Variants in FAM184B observed in about 807,000 individuals in gnomAD.
The protein encoded by FAM184B is protein FAM184B.
Under a neutral mutation model 135.9 loss-of-function variants are expected in FAM184B, and 111 were observed. The ratio of observed to expected loss-of-function variants is 0.82; its 90% CI spans 0.70 to 0.96. The LOEUF (loss-of-function observed/expected upper bound fraction) is 0.96, where lower values mean the gene tolerates loss of function less well. Ranked by LOEUF, FAM184B falls within the 40% of genes least tolerant of loss-of-function variation. The probability of loss-of-function intolerance (pLI) is 0.00; values close to 1 mark genes in which losing one functional copy is unlikely to be tolerated. For missense variants in FAM184B, 1,375 were observed against 1,323.9 expected, an observed-to-expected ratio of 1.04 and a Z score of -0.60; for synonymous variants, 552 against 524.8, an observed-to-expected ratio of 1.05 and a Z score of -0.71.
chr4:17,748,545 G>A (rs528062415), intron 1 of FAM184B, among the ~76,000 whole-genome samples: 48 of 117,480 alleles, frequency 4.1e-4, no homozygotes, highest in Admixed American at 1.8e-3. Context: ...ACAATGTCTC[G>A]CTCTGCCACC....
intron 1 of FAM184B, among the ~76,000 whole-genome samples, chr4:17,726,991 A>G (rs1275082830): frequency 6.6e-6 from 1 of 152,202 alleles, no homozygotes; most frequent in Non-Finnish European, 1.5e-5. Context: ...TGCCTCAATC[A>G]CATGGAATGA....
At chr4:17,687,335 GT>G (rs1375011264) in intron 7 of FAM184B, among the ~76,000 whole-genome samples, 1 of 152,204 alleles carries the variant, frequency 6.6e-6, no homozygotes, top group East Asian at 1.9e-4. Context: ...AAGGCCGTGA[GT>G]TTTTTATGGC....
At position 17,743,311 on chromosome 4, in the gene FAM184B, A is replaced by G. The variant is rs115392961; in HGVS notation, c.142-33667T>C. Among the ~76,000 whole-genome samples the G allele has an allele frequency of 5.7e-3, 861 of 152,336 alleles. 11 individuals are homozygous for G. Among genetic ancestry groups the G allele is most frequent in the African/African-American group, 0.02 (813 of 41,584 alleles). ...GAGGGATGGCACCAGTGGTGGAGGC[A>G]TCTGTCAGCCACCGAAGAATTTAGA... On this transcript the variant is annotated intron_variant, in intron 1 of 17. Coordinates refer to ENST00000265018, the MANE Select transcript of FAM184B (RefSeq NM_015688.2).
In FAM184B at chr4:17,752,218, T is replaced by C. The variant is rs144202030; in HGVS notation, c.141+28941A>G. 2.7e-4 allele frequency among the ~76,000 whole-genome samples: 41 copies of C among 152,298 alleles called. No homozygotes were observed. The East Asian group carries it at 7.7e-3, about 29-fold the overall frequency. ...CCAACATACCTTGAGGAAAGTACTTTCATACAAGAGAATGAATGAGGGTTT... is the reference window on the plus strand; with the variant it reads ...CCAACATACCTTGAGGAAAGTACTTCCATACAAGAGAATGAATGAGGGTTT... On this transcript the variant is annotated intron_variant, in intron 1 of 17. Coordinates refer to ENST00000265018, the MANE Select transcript of FAM184B (RefSeq NM_015688.2).
At chr4:17,655,573 A>T (rs1327884096) in intron 10 of FAM184B, among the ~76,000 whole-genome samples, 1 of 152,170 alleles carries the variant, frequency 6.6e-6, no homozygotes, top group Non-Finnish European at 1.5e-5. Flanking sequence ...GTCCTATATT[A>T]TGTAAAGTCT....
At chr4:17,680,817 A>G (rs768959913) in intron 7 of FAM184B, among the ~76,000 whole-genome samples, 70 of 152,158 alleles carry the variant, frequency 4.6e-4, no homozygotes, top group Non-Finnish European at 6.0e-4. Flanking sequence ...CTCATCTTTC[A>G]TCTTCCAGTT....
intron 1 of FAM184B, among the ~76,000 whole-genome samples, chr4:17,767,713 C>T (rs1209769022): frequency 1.4e-5 from 2 of 140,114 alleles, no homozygotes; most frequent in East Asian, 2.6e-4. Context: ...CCGCCCCCCA[C>T]CCCCCGCCAG....
At chr4:17,716,030 A>T (rs1456660328) in intron 1 of FAM184B, among the ~76,000 whole-genome samples, 1 of 151,836 alleles carries the variant, frequency 6.6e-6, no homozygotes, top group Non-Finnish European at 1.5e-5. Flanking sequence ...GCCTTAAAAA[A>T]CTCATCTTCA....
At position 17,647,787 on chromosome 4, in the gene FAM184B, C is replaced by T. The variant is rs533776342; in HGVS notation, c.2196G>A (p.Ser732=). 196 of 1,549,742 alleles carry T rather than the reference C, an allele frequency of 1.3e-4. 3 individuals are homozygous for T. Among genetic ancestry groups the T allele is most frequent in the Middle Eastern group, 3.5e-4 (2 of 5,692 alleles). The change falls in exon 12 of 18, where the codon TCG becomes TCA. Residue 732 remains serine, a synonymous_variant. Coordinates refer to ENST00000265018, the MANE Select transcript of FAM184B (RefSeq NM_015688.2). ...GCTGCTCCGACAGCTCCTGTCTGAG[C>T]GACTCTGGAAAAGGGAGAGCAGCAG... ...MQAQQALLLE[S]LRQELSEQQA... is the part of the protein sequence containing the mutation.
intron 1 of FAM184B, among the ~76,000 whole-genome samples, chr4:17,754,554 A>G (rs1293597598): frequency 1.5e-5 from 1 of 67,564 alleles, no homozygotes; most frequent in African/African-American, 6.1e-5. Flanking sequence ...TCTGTCTCAG[A>G]AAAAAAAAAA....
chr4:17,760,861 A>T (rs1419800835), intron 1 of FAM184B, among the ~76,000 whole-genome samples: 1 of 152,214 alleles, frequency 6.6e-6, no homozygotes, highest in Non-Finnish European at 1.5e-5. Flanking sequence ...CGGGATTTTC[A>T]GTTGAGTCGT....
At position 17,631,988 on chromosome 4, in the gene FAM184B, T is replaced by G. The variant is rs1167467852; in HGVS notation, c.*544A>C. The stretch of plus-strand genomic sequence containing the variant: ...AGAAATACAAGGTATGGGTCATTAG[T>G]AACGCTAATAACATTTTCCTATAGA... On this transcript the variant is annotated 3_prime_UTR_variant, in exon 18 of 18. Coordinates refer to ENST00000265018, the MANE Select transcript of FAM184B (RefSeq NM_015688.2). The G allele has an allele frequency of 6.6e-6, 1 of 151,358 alleles. No individual in the cohort carries two copies. The highest frequency in any genetic ancestry group is 1.9e-4 in the East Asian group (1 of 5,166). The allele number at this position is 151,358 out of a possible 1,614,324, so 9.4% of individuals were successfully genotyped here.
chr4:17,757,271 ATGTG>A (rs1335068409), intron 1 of FAM184B, among the ~76,000 whole-genome samples: 1 of 152,166 alleles, frequency 6.6e-6, no homozygotes, highest in Non-Finnish European at 1.5e-5. Flanking sequence ...AGAAAAAACA[ATGTG>A]TGTGTGTATG....
At chr4:17,735,157 A>G (rs1489631286) in intron 1 of FAM184B, among the ~76,000 whole-genome samples, 2 of 151,466 alleles carry the variant, frequency 1.3e-5, no homozygotes, top group African/African-American at 2.4e-5. Flanking sequence ...CAGGAAGGGG[A>G]ACATCACACT....
chr4:17,652,997 TGGGAAC>T lies in FAM184B; in HGVS notation c.2038-20_2038-15del, dbSNP rs1327835952. ...TTCCTCTGTGGCCTGTGGGAAAAAG[TGGGAAC>T]AAGAAGGCATGAAAGTGGGCATGAG... is the stretch of plus-strand genomic sequence containing the variant. On this transcript the variant is annotated splice_polypyrimidine_tract_variant and intron_variant, in intron 10 of 17. Coordinates refer to ENST00000265018, the MANE Select transcript of FAM184B (RefSeq NM_015688.2). The T allele has an allele frequency of 6.4e-7, 1 of 1,551,292 alleles. No individual in the cohort carries two copies. The highest frequency in any genetic ancestry group is 8.7e-7 in the Non-Finnish European group (1 of 1,146,722).
intron 6 of FAM184B, 121 bp from the exon 7 acceptor site, chr4:17,688,652 C>A (rs1041370976): frequency 2.1e-4 from 69 of 324,106 alleles, no homozygotes; most frequent in East Asian, 1.1e-3. Context: ...CCCCATTAGA[C>A]AAATTCTACA....
intron 2 of FAM184B, among the ~76,000 whole-genome samples, 187 bp downstream of exon 2, chr4:17,708,705 A>G (rs1409732791): frequency 8.6e-4 from 48 of 55,954 alleles, no homozygotes; most frequent in African/African-American, 1.2e-3. Context: ...ATATATATAT[A>G]TATAGTGTCT....
In FAM184B at chr4:17,749,068, A is replaced by G. The variant is rs184341939; in HGVS notation, c.141+32091T>C. Among the ~76,000 whole-genome samples the G allele has an allele frequency of 2.3e-4, 35 of 150,868 alleles. No individual in the cohort carries two copies. In the East Asian group the frequency reaches 6.6e-3, roughly 29 times the overall value. ...TGGCTGGTCTCAAACTCCTGGCTTC[A>G]AGCGATTCTCCTACTTCAACCTCCT... On this transcript the variant is annotated intron_variant, in intron 1 of 17. Coordinates refer to ENST00000265018, the MANE Select transcript of FAM184B (RefSeq NM_015688.2).
intron 1 of FAM184B, among the ~76,000 whole-genome samples, chr4:17,723,211 C>T (rs1457601778): frequency 1.3e-5 from 2 of 152,172 alleles, no homozygotes; most frequent in African/African-American, 4.8e-5. Flanking sequence ...ATTGAATGCT[C>T]GTTCTAACTG....
Sources: allele counts gnomAD v4.1 joint callset (sites outside exome capture counted in the v4.1 genomes callset), GRCh38; gene constraint gnomAD v4.1.1; transcripts MANE v1.5; gene names NCBI Gene and HGNC (gene_info 2026-07-23, HGNC 2026-07-21).